The following USP47 variants were observed in gnomAD, a reference collection of about 807,000 sequenced individuals.
The protein encoded by USP47 is ubiquitin carboxyl-terminal hydrolase 47.
In USP47, 35 loss-of-function variants were observed where a neutral mutation model predicts 165.1. That is an observed-to-expected ratio of 0.21 (90% CI 0.16 to 0.28). The LOEUF is 0.28. Ranked by LOEUF, USP47 falls within the 10% of genes least tolerant of loss-of-function variation. USP47 has a pLI of 1.00. For synonymous variants in USP47, 531 were observed against 544.5 expected (o/e 0.98, Z 0.35); for missense variants, 1,277 against 1,607.4 (o/e 0.79, Z 3.52).
chr11:11,848,510 C>CAGT (rs1848549520), intron 1 of USP47, among the ~76,000 whole-genome samples: 1 of 152,044 alleles, frequency 6.6e-6, no homozygotes, highest in South Asian at 2.1e-4. Flanking sequence ...TTTACAAAAA[C>CAGT]AGTAGGTCTC....
Position 11,959,290 on chromosome 11 carries a change from G to T in USP47, c.*3115G>T, listed in dbSNP as rs1847350665. 6.6e-6 allele frequency: 1 copy of T among 152,200 alleles called. No homozygotes were observed. The highest frequency in any genetic ancestry group is 2.1e-4 in the South Asian group (1 of 4,836). The allele number at this position is 152,200 out of a possible 1,614,324, so 9.4% of individuals were successfully genotyped here. ...ACTAGAGGATACTCTGAATTAGCAA[G>T]TTTTTTGTTTGCTGAATAAAACTAT... On this transcript the variant is annotated 3_prime_UTR_variant, in exon 28 of 28. Coordinates refer to ENST00000527733, the MANE Select transcript of USP47 (RefSeq NM_001282659.2).
chr11:11,918,285 G>A (rs75403122), intron 8 of USP47, among the ~76,000 whole-genome samples: 24,244 of 151,948 alleles, frequency 0.16, 2,415 homozygotes, highest in Admixed American at 0.34. Flanking sequence ...AAATATCAGT[G>A]TTATGAAAGA....
chr11:11,948,258 T>G (rs952584373), intron 21 of USP47, 138 bp downstream of exon 21: 69 of 1,063,672 alleles, frequency 6.5e-5, no homozygotes, highest in South Asian at 1.3e-4. Context: ...ATTTGGGGGG[T>G]TTTTTGTTGT....
At chr11:11,950,766 T>G (rs1456911054) in intron 24 of USP47, 1 of 188,828 alleles carries the variant, frequency 5.3e-6, no homozygotes, top group African/African-American at 2.3e-5. Context: ...CTTTCTCTGG[T>G]TCCCATTTGC....
chr11:11,887,468 A>G (rs1166697776), intron 3 of USP47, among the ~76,000 whole-genome samples: 3 of 152,162 alleles, frequency 2.0e-5, no homozygotes, highest in Admixed American at 6.5e-5. Flanking sequence ...AACAAAGATA[A>G]AAAAAGACAA....
chr11:11,898,833 T>A (rs1343724146), intron 5 of USP47, among the ~76,000 whole-genome samples: 1 of 152,152 alleles, frequency 6.6e-6, no homozygotes, highest in East Asian at 1.9e-4. Flanking sequence ...AGGAGGCCTG[T>A]CAAAAGTGAA....
At chr11:11,929,668 A>G in intron 12 of USP47, 103 bp downstream of exon 12, 3 of 1,422,768 alleles carry the variant, frequency 2.1e-6, no homozygotes, top group Non-Finnish European at 2.8e-6. Context: ...GTCTAGTGAT[A>G]CATCTTAAGA....
chr11:11,917,626 TAAGA>T (rs1357034532), intron 8 of USP47, among the ~76,000 whole-genome samples: 1 of 50,272 alleles, frequency 2.0e-5, no homozygotes, highest in Non-Finnish European at 3.5e-5. Flanking sequence ...ACTGAAAGCT[TAAGA>T]AAGAGTAAAC....
chr11:11,887,834 C>T (rs1173504631), intron 3 of USP47, among the ~76,000 whole-genome samples: 1 of 152,146 alleles, frequency 6.6e-6, no homozygotes, highest in Non-Finnish European at 1.5e-5. Flanking sequence ...AAGTAAAACA[C>T]TCCTCAGCAA....
At chr11:11,925,943 A>G (rs1007877408) in intron 11 of USP47, among the ~76,000 whole-genome samples, 9 of 152,088 alleles carry the variant, frequency 5.9e-5, no homozygotes, top group African/African-American at 1.2e-4. Flanking sequence ...GAGTGTTTTT[A>G]TCATGAAAGG....
At chr11:11,904,423 C>T (rs1044928723) in intron 7 of USP47, among the ~76,000 whole-genome samples, 5 of 152,182 alleles carry the variant, frequency 3.3e-5, no homozygotes, top group African/African-American at 2.4e-5. Flanking sequence ...CACTTATCCT[C>T]ATGCCTGTTC....
chr11:11,845,498 A>G (rs1193579929), intron 1 of USP47, among the ~76,000 whole-genome samples: 1 of 152,106 alleles, frequency 6.6e-6, no homozygotes, highest in Non-Finnish European at 1.5e-5. Context: ...GCTTGGCGAC[A>G]TCTATTATGA....
chr11:11,873,047 T>C (rs1210572401), intron 1 of USP47, among the ~76,000 whole-genome samples: 1 of 152,192 alleles, frequency 6.6e-6, no homozygotes, highest in African/African-American at 2.4e-5. Context: ...AAATATTATA[T>C]GTGCATAGAC....
At position 11,943,025 on chromosome 11, in the gene USP47, A is replaced by C. The variant is rs1457959376; in HGVS notation, c.3004A>C (p.Ser1002Arg). 3 of 1,613,480 alleles carry C rather than the reference A, an allele frequency of 1.9e-6. No individual in the cohort carries two copies. The highest frequency in any genetic ancestry group is 3.3e-5 in the Admixed American group (2 of 59,942). The change falls in exon 20 of 28, where the codon AGT becomes CGT. Residue 1002 changes from serine to arginine, a missense_variant. Around this residue, in one of 4 missense-constraint regions of USP47, gnomAD observed 909 missense variants for 1,068.1 expected, o/e 0.85. Coordinates refer to ENST00000527733, the MANE Select transcript of USP47 (RefSeq NM_001282659.2). The stretch of plus-strand genomic sequence containing the variant: ...TGGAACTGATAGTGAATATGATGAG[A>C]GTGGCAAGAGTAGGGGAGAAATGCA... ...DSGTDSEYDE[S>R]GKSRGEMQYM...
intron 20 of USP47, 179 bp downstream of exon 20, chr11:11,943,291 T>C (rs570550824): frequency 1.9e-6 from 1 of 523,034 alleles, no homozygotes; most frequent in South Asian, 6.0e-5. Flanking sequence ...GTAAATTAGA[T>C]GGTAATTATA....
intron 1 of USP47, among the ~76,000 whole-genome samples, chr11:11,876,350 A>T (rs1850417566): frequency 6.6e-6 from 1 of 152,152 alleles, no homozygotes. Flanking sequence ...CTTAAATGAA[A>T]AGTAGTACCT....
At chr11:11,896,149 G>C (rs991645328) in intron 4 of USP47, among the ~76,000 whole-genome samples, 1 of 152,146 alleles carries the variant, frequency 6.6e-6, no homozygotes, top group Admixed American at 6.6e-5. Flanking sequence ...AAAGATCATA[G>C]AGTCATATGT....
chr11:11,937,922 A>G (rs1337935940), intron 17 of USP47, among the ~76,000 whole-genome samples: 3 of 152,004 alleles, frequency 2.0e-5, no homozygotes, highest in Non-Finnish European at 2.9e-5. Flanking sequence ...AAATTTCAAT[A>G]TAAAAGATTT....
At chr11:11,941,368 G>A (rs978577286) in intron 19 of USP47, among the ~76,000 whole-genome samples, 2 of 151,836 alleles carry the variant, frequency 1.3e-5, no homozygotes, top group Admixed American at 6.6e-5. Flanking sequence ...AACGGTTAGC[G>A]TACTGGTTTC....
Sources: allele counts gnomAD v4.1 joint callset (sites outside exome capture counted in the v4.1 genomes callset), GRCh38; gene constraint gnomAD v4.1.1; regional missense constraint gnomAD v4.1.1; transcripts MANE v1.5; gene names NCBI Gene and HGNC (gene_info 2026-07-23, HGNC 2026-07-21).